LRRC7: variants seen among roughly 807,000 people sequenced by gnomAD.
LRRC7 encodes leucine-rich repeat-containing protein 7.
LRRC7 carries 23 observed loss-of-function variants against 175.7 expected under a neutral mutation model. The observed-to-expected ratio is 0.13, with a 90% CI of 0.09 to 0.19. The LOEUF (loss-of-function observed/expected upper bound fraction) is 0.19, where lower values mean the gene tolerates loss of function less well. Among genes scored for constraint, LRRC7 ranks in the 10% least tolerant of loss-of-function variants. LRRC7 has a pLI of 1.00. For synonymous variants in LRRC7, 685 were observed against 680.9 expected (o/e 1.01, Z -0.09); for missense variants, 1,354 against 1,904.7 (o/e 0.71, Z 5.38).
At chr1:69,702,922 A>G (rs895419709) in intron 2 of LRRC7, among the ~76,000 whole-genome samples, 14 of 152,192 alleles carry the variant, frequency 9.2e-5, no homozygotes, top group African/African-American at 2.9e-4. Flanking sequence ...CAGTTTTATG[A>G]CAAACCATTA....
intron 7 of LRRC7, among the ~76,000 whole-genome samples, chr1:69,926,801 A>C (rs28867760): frequency 0.41 from 61,981 of 151,472 alleles, 13,402 homozygotes; most frequent in East Asian, 0.55. Flanking sequence ...CATTTAGCCC[A>C]TTTACATTTA....
intron 7 of LRRC7, among the ~76,000 whole-genome samples, chr1:69,924,244 C>G (rs1480605986): frequency 3.3e-5 from 5 of 152,084 alleles, no homozygotes; most frequent in African/African-American, 1.2e-4. Context: ...CATGATGCCT[C>G]CAGCTTTGTT....
chr1:70,064,633 T>C (rs1571220107), intron 23 of LRRC7, among the ~76,000 whole-genome samples: 1 of 148,186 alleles, frequency 6.7e-6, no homozygotes, highest in African/African-American at 2.6e-5. Flanking sequence ...TGGCACTGCT[T>C]GGTATTTTGT....
intron 4 of LRRC7, among the ~76,000 whole-genome samples, chr1:69,796,595 G>A (rs946163138): frequency 6.6e-6 from 1 of 152,040 alleles, no homozygotes; most frequent in Non-Finnish European, 1.5e-5. Context: ...GACCAGCCTA[G>A]CCAACATGGA....
intron 23 of LRRC7, among the ~76,000 whole-genome samples, chr1:70,059,521 A>C (rs1458882269): frequency 7.6e-6 from 1 of 131,418 alleles, no homozygotes; most frequent in East Asian, 2.4e-4. Context: ...GTGTGTGGTC[A>C]TTTTCAAGTT....
chr1:69,631,986 T>G (rs573810322), intron 1 of LRRC7, among the ~76,000 whole-genome samples: 26 of 152,308 alleles, frequency 1.7e-4, no homozygotes, highest in African/African-American at 6.0e-4. Context: ...CTTACAAGAC[T>G]TTCTGATTTA....
intron 1 of LRRC7, among the ~76,000 whole-genome samples, chr1:69,610,522 T>C (rs1648537690): frequency 6.6e-6 from 1 of 152,016 alleles, no homozygotes; most frequent in Non-Finnish European, 1.5e-5. Flanking sequence ...TACTAGTAAT[T>C]TGATTTTTTA....
intron 1 of LRRC7, among the ~76,000 whole-genome samples, chr1:69,613,749 T>G (rs891404149): frequency 7.2e-5 from 11 of 152,002 alleles, no homozygotes; most frequent in Non-Finnish European, 1.6e-4. Context: ...GTTTCTAGAT[T>G]TGGCAAGCAG....
chr1:69,725,080 T>TTA (rs894682750), intron 2 of LRRC7, among the ~76,000 whole-genome samples: 5 of 151,954 alleles, frequency 3.3e-5, no homozygotes, highest in South Asian at 2.1e-4. Context: ...TATACATGTT[T>TTA]TATATATATA....
chr1:69,928,283 GC>G (rs1194639812), intron 7 of LRRC7, among the ~76,000 whole-genome samples: 2 of 152,180 alleles, frequency 1.3e-5, no homozygotes, highest in African/African-American at 4.8e-5. Flanking sequence ...GAGGCAGTCT[GC>G]CCGTTCTCAG....
At chr1:69,600,963 C>G (rs1647045372) in intron 1 of LRRC7, among the ~76,000 whole-genome samples, 1 of 151,876 alleles carries the variant, frequency 6.6e-6, no homozygotes, top group South Asian at 2.1e-4. Flanking sequence ...AGGCAGGCAC[C>G]TGCCACTATG....
At chr1:69,780,445 G>A (rs995562554) in intron 3 of LRRC7, among the ~76,000 whole-genome samples, 2 of 151,806 alleles carry the variant, frequency 1.3e-5, no homozygotes, top group African/African-American at 4.9e-5. Flanking sequence ...TCCAAGAGGT[G>A]CTCACTGAAC....
intron 23 of LRRC7, among the ~76,000 whole-genome samples, chr1:70,054,279 C>T (rs970321492): frequency 6.6e-6 from 1 of 151,972 alleles, no homozygotes; most frequent in African/African-American, 2.4e-5. Context: ...AATTAGTAAA[C>T]TATAATTACA....
chr1:70,021,055 A>G lies in LRRC7; in HGVS notation c.1471A>G (p.Arg491Gly). 1 of 1,612,946 alleles carries G rather than the reference A, an allele frequency of 6.2e-7. No homozygotes were observed. The highest frequency in any genetic ancestry group is 8.5e-7 in the Non-Finnish European group (1 of 1,179,130). Residue 491 changes from arginine to glycine, a missense_variant, in exon 16 of 27, where the codon AGA becomes GGA. Physicochemically the swap from Arg to Gly is moderately radical, Grantham distance 125 (BLOSUM62 -2). This residue lies in a region of LRRC7 where 1,032 missense variants were observed against 1,227.2 expected (regional missense o/e 0.84). Transcript: ENST00000651989. ...TAACCCTACACTGTGGGAAGAGCAG[A>G]GACAACAACGCATGACTGTTGCCTT... ...SFNPTLWEEQ[R>G]QQRMTVAFEF...
chr1:69,755,247 C>A (rs541878657), intron 2 of LRRC7, among the ~76,000 whole-genome samples: 1 of 151,666 alleles, frequency 6.6e-6, no homozygotes, highest in Non-Finnish European at 1.5e-5. Flanking sequence ...ATTCTTATAA[C>A]AAAGACTCCA....
At chr1:69,608,891 TATATATATACAC>T (rs1173205852) in intron 1 of LRRC7, among the ~76,000 whole-genome samples, 32 of 132,184 alleles carry the variant, frequency 2.4e-4, no homozygotes, top group African/African-American at 8.8e-4. Flanking sequence ...TATATATATA[TATATATATACAC>T]ACACACACAC....
At chr1:70,075,981 C>T (rs2102129024) in intron 23 of LRRC7, 96 bp from the exon 24 acceptor site, 1 of 1,289,074 alleles carries the variant, frequency 7.8e-7, no homozygotes, top group Non-Finnish European at 1.1e-6. Flanking sequence ...CCAAATGGTG[C>T]CGCTTTACCA....
intron 1 of LRRC7, among the ~76,000 whole-genome samples, chr1:69,608,846 CTCTCTCTCTCTCTCTCTCTCTATATATA>C (rs1272151594): frequency 0.024 from 1,260 of 53,440 alleles, 16 homozygotes; most frequent in African/African-American, 0.091. Context: ...CTCTCTCTCT[CTCTCTCTCTCTCTCTCTCTCTATATATA>C]TATATATATA....
chr1:69,639,381 G>A (rs1401905325), intron 1 of LRRC7, among the ~76,000 whole-genome samples: 7 of 151,778 alleles, frequency 4.6e-5, no homozygotes, highest in Non-Finnish European at 1.0e-4. Flanking sequence ...AAAATGTAGA[G>A]ATGAGCCTAA....
Sources: gnomAD v4.1 joint callset for allele counts (sites outside exome capture counted in the v4.1 genomes callset) on GRCh38, gnomAD v4.1.1 for gene constraint, gnomAD v4.1.1 regional missense constraint, MANE v1.5 for transcripts, NCBI Gene and HGNC (gene_info 2026-07-23, HGNC 2026-07-21) for gene names.